AGO2: variants seen among roughly 807,000 people sequenced by gnomAD.
The protein encoded by AGO2 is protein argonaute-2.
Under a neutral mutation model 102.3 loss-of-function variants are expected in AGO2, and 5 were observed. The ratio of observed to expected loss-of-function variants is 0.05; its 90% CI spans 0.03 to 0.10. The LOEUF (loss-of-function observed/expected upper bound fraction) is 0.10. AGO2 is among the 10% of genes least tolerant of loss of function. The pLI is 1.00. For missense variants in AGO2, 541 were observed against 1,183.7 expected (o/e 0.46, Z 7.97); for synonymous variants, 449 against 473.1 (o/e 0.95, Z 0.66).
At position 140,617,761 on chromosome 8, in the gene AGO2, G is replaced by A. The variant is rs117158310; in HGVS notation, c.22+17724C>T. 2.2e-3 allele frequency among the ~76,000 whole-genome samples: 331 copies of A among 151,536 alleles called. 15 individuals are homozygous for A. The East Asian group carries it at 0.06, about 28-fold the overall frequency. On this transcript the variant is annotated intron_variant, in intron 1 of 18. Coordinates refer to ENST00000220592, the MANE Select transcript of AGO2 (RefSeq NM_012154.5). The stretch of plus-strand genomic sequence containing the variant: ...GCTGGGCATGGTGGCTCAGGCCTGT[G>A]ATCCCAGCACTTTAGGAAGCTGAGG...
intron 1 of AGO2, among the ~76,000 whole-genome samples, chr8:140,587,110 C>T (rs1225756223): frequency 6.6e-6 from 1 of 152,122 alleles, no homozygotes; most frequent in East Asian, 1.9e-4. Flanking sequence ...AGACGCAGCT[C>T]GAGCCCAGGG....
At chr8:140,550,381 CTG>C (rs1316066437) in intron 11 of AGO2, among the ~76,000 whole-genome samples, 1 of 152,206 alleles carries the variant, frequency 6.6e-6, no homozygotes, top group Non-Finnish European at 1.5e-5. Context: ...AGCCACCCTG[CTG>C]TGTGCTCCCA....
chr8:140,641,225 T>C, the AGO2 span, among the ~76,000 whole-genome samples: 1 of 151,794 alleles, frequency 6.6e-6, no homozygotes, highest in South Asian at 2.1e-4. Context: ...TCAGGGAGGC[T>C]GAGGATGCAG....
At chr8:140,596,036 A>T (rs572331806) in intron 1 of AGO2, among the ~76,000 whole-genome samples, 26 of 141,076 alleles carry the variant, frequency 1.8e-4, no homozygotes, top group Non-Finnish European at 3.9e-4. Context: ...TATTATAGAG[A>T]TGGAGCCCTC....
chr8:140,634,892 T>C (rs1486616698), intron 1 of AGO2, among the ~76,000 whole-genome samples: 1 of 151,986 alleles, frequency 6.6e-6, no homozygotes, highest in African/African-American at 2.4e-5. Flanking sequence ...GCCGAAGAAG[T>C]GCCGGCAACA....
intron 2 of AGO2, among the ~76,000 whole-genome samples, chr8:140,576,261 C>T (rs1041593000): frequency 1.6e-4 from 25 of 152,146 alleles, no homozygotes; most frequent in African/African-American, 6.0e-4. Context: ...TTGCAGTGAG[C>T]CGAGATTGTG....
At chr8:140,609,191 G>A (rs1011778186) in intron 1 of AGO2, among the ~76,000 whole-genome samples, 1 of 152,274 alleles carries the variant, frequency 6.6e-6, no homozygotes, top group Admixed American at 6.5e-5. Context: ...GTGCTGAGCG[G>A]CTGCAGAGAG....
intron 1 of AGO2, among the ~76,000 whole-genome samples, chr8:140,598,547 C>T (rs2073882504): frequency 1.3e-5 from 2 of 152,220 alleles, no homozygotes; most frequent in South Asian, 2.1e-4. Context: ...GTAGGATCAC[C>T]GGTCCACTCT....
Position 140,539,479 on chromosome 8 carries a change from T to C in AGO2, c.2035-25A>G. On this transcript the variant is annotated intron_variant, in intron 15 of 18. Coordinates refer to ENST00000220592, the MANE Select transcript of AGO2 (RefSeq NM_012154.5). The surrounding 1 kb of genome is among the most constrained non-coding windows in gnomAD (Gnocchi z 4.7). ...CCTAGGGGTACGGGAGGGAGGAGGT[T>C]GTGCTTAAAGATGGTAGTGCATGTG... 6.3e-7 allele frequency: 1 copy of C among 1,599,308 alleles called. No individual in the cohort carries two copies.
At chr8:140,641,248 G>A in the AGO2 span, among the ~76,000 whole-genome samples, 3 of 151,738 alleles carry the variant, frequency 2.0e-5, no homozygotes, top group South Asian at 6.2e-4. Context: ...AGCTGTGATT[G>A]TACCACTGCG....
intron 2 of AGO2, among the ~76,000 whole-genome samples, chr8:140,583,753 T>C (rs2133007535): frequency 6.6e-6 from 1 of 152,258 alleles, no homozygotes; most frequent in African/African-American, 2.4e-5. Context: ...CAGGTGCCTG[T>C]AATCCCAGCT....
chr8:140,568,103 C>CAAAAAAAAAAAA (rs553804959), intron 3 of AGO2, among the ~76,000 whole-genome samples: 28 of 110,594 alleles, frequency 2.5e-4, no homozygotes, highest in Non-Finnish European at 4.1e-4. Context: ...ACTAAAAATA[C>CAAAAAAAAAAAA]AAAAAAAAAA....
intron 13 of AGO2, among the ~76,000 whole-genome samples, 177 bp downstream of exon 13, chr8:140,547,291 C>G (rs909538157): frequency 1.3e-5 from 2 of 152,240 alleles, no homozygotes; most frequent in Admixed American, 6.5e-5. Context: ...CCCTGGTCCC[C>G]AGCAGAGCGT....
chr8:140,582,132 G>C (rs139219066), intron 2 of AGO2, among the ~76,000 whole-genome samples: 3 of 152,316 alleles, frequency 2.0e-5, no homozygotes, highest in African/African-American at 7.2e-5. Flanking sequence ...AAAAGCAATA[G>C]ATCTAGAATA....
At chr8:140,613,910 C>T (rs1640318964) in intron 1 of AGO2, among the ~76,000 whole-genome samples, 1 of 148,132 alleles carries the variant, frequency 6.8e-6, no homozygotes, top group East Asian at 2.0e-4. Context: ...CCCAGCTACT[C>T]AGGAGGCTGA....
chr8:140,625,499 C>A (rs1009351003), intron 1 of AGO2, among the ~76,000 whole-genome samples: 2 of 152,176 alleles, frequency 1.3e-5, no homozygotes, highest in Non-Finnish European at 2.9e-5. Flanking sequence ...CATGGTCTTT[C>A]ATCCCTCGTA....
In AGO2 at chr8:140,585,330, C is replaced by G; in HGVS notation, c.23-19G>C. 2.5e-6 allele frequency: 4 copies of G among 1,610,322 alleles called. No homozygotes were observed. The highest frequency in any genetic ancestry group is 1.7e-5 in the Admixed American group (1 of 59,924). On this transcript the variant is annotated intron_variant, in intron 1 of 18. Coordinates refer to ENST00000220592, the MANE Select transcript of AGO2 (RefSeq NM_012154.5). ...GCAAGTGCTGGAATGGCAGAGAGAACACCCATTAACGGGGGAGCAGGCTTG... is the reference window on the plus strand; with the variant it reads ...GCAAGTGCTGGAATGGCAGAGAGAAGACCCATTAACGGGGGAGCAGGCTTG...
chr8:140,605,944 G>A (rs1421355255), intron 1 of AGO2: 4 of 152,196 alleles, frequency 2.6e-5, no homozygotes, highest in African/African-American at 4.8e-5. Flanking sequence ...GTCAAAAACC[G>A]CTTTATTTTC....
At position 140,559,269 on chromosome 8, in the gene AGO2, G is replaced by C; in HGVS notation, c.790+126C>G. 3.3e-6 allele frequency: 4 copies of C among 1,211,354 alleles called. No individual in the cohort carries two copies. In the South Asian group the frequency reaches 4.4e-5, roughly 13 times the overall value. 75.0% of individuals were successfully genotyped at this position (1,211,354 alleles called of 1,614,324 possible). A position where few individuals can be genotyped will look rare whatever the true frequency, so the allele number is the denominator to read the frequency against. On this transcript the variant is annotated intron_variant, in intron 6 of 18. Coordinates refer to ENST00000220592, the MANE Select transcript of AGO2 (RefSeq NM_012154.5). ...CATCTCCATGCTACCTCATCTGATG[G>C]CTACATTCTGCCACCCCCACCTCCC...
Sources: gnomAD v4.1 joint callset for allele counts (sites outside exome capture counted in the v4.1 genomes callset) on GRCh38, gnomAD v4.1.1 for gene constraint, Gnocchi (gnomAD v3.1) non-coding constraint, MANE v1.5 for transcripts, NCBI Gene and HGNC (gene_info 2026-07-23, HGNC 2026-07-21) for gene names.